Variants in GSR observed in about 807,000 individuals in gnomAD.
GSR encodes glutathione-disulfide reductase.
GSR carries 48 observed loss-of-function variants against 56.5 expected under a neutral mutation model. That is an observed-to-expected ratio of 0.85 (90% confidence interval 0.67 to 1.08). The LOEUF (loss-of-function observed/expected upper bound fraction) is 1.08. Among genes scored for constraint, GSR ranks in the 50% least tolerant of loss-of-function variants. The pLI, the probability that GSR is intolerant of heterozygous loss-of-function variation, is 0.00. For synonymous variants in GSR, 264 were observed against 270.8 expected, an observed-to-expected ratio of 0.97 and a Z score of 0.25; for missense variants, 694 against 703.3, an observed-to-expected ratio of 0.99 and a Z score of 0.15.
In GSR at chr8:30,681,044, T is replaced by C. The variant is rs201692828; in HGVS notation, c.1286-7A>G. 9.3e-6 allele frequency: 15 copies of C among 1,604,866 alleles called. No individual in the cohort carries two copies. The highest frequency in any genetic ancestry group is 1.3e-5 in the Non-Finnish European group (15 of 1,172,404). ...TATTTATGAATGGCTTCATCTACAA[T>C]GCACATTAAAAAAAGCATCTATCAG... On this transcript the variant is annotated splice_region_variant and splice_polypyrimidine_tract_variant and intron_variant, in intron 11 of 12. Transcript: ENST00000221130.
chr8:30,681,063 C>G, intron 11 of GSR, 26 bp from the exon 12 acceptor site: 1 of 1,590,634 alleles, frequency 6.3e-7, no homozygotes. Context: ...AAAAAAGCAT[C>G]TATCAGAAAA....
rs764384622 is a variant in GSR, at chr8:30,709,909, A to T, written c.334-7T>A. Reference sequence around the variant, plus strand: ...CAGCTGTGTTCCACATTACCTGTAAAAAAAAAAAAAAAAAAGGATCCAAAA... The same window carrying T: ...CAGCTGTGTTCCACATTACCTGTAATAAAAAAAAAAAAAAAGGATCCAAAA... On this transcript the variant is annotated splice_region_variant and splice_polypyrimidine_tract_variant and intron_variant, in intron 2 of 12. Transcript: ENST00000221130. The T allele has an allele frequency of 1.1e-5, 12 of 1,103,350 alleles. No homozygotes were observed. In the African/African-American group the frequency reaches 1.4e-4, roughly 13 times the overall value. The allele number at this position is 1,103,350 out of a possible 1,614,324, so 68.3% of individuals were successfully genotyped here.
intron 9 of GSR, 74 bp from the exon 10 acceptor site, chr8:30,684,273 C>T: frequency 2.4e-6 from 2 of 844,968 alleles, no homozygotes; most frequent in Non-Finnish European, 4.2e-6. Context: ...CTCTGGATCT[C>T]CCTTCCTCAT....
chr8:30,692,000 G>C (rs994742221), intron 8 of GSR, among the ~76,000 whole-genome samples: 1 of 151,572 alleles, frequency 6.6e-6, no homozygotes, highest in African/African-American at 2.4e-5. Context: ...ACTTGGTGGG[G>C]GCAGAGGTGG....
Position 30,703,201 on chromosome 8 carries a change from T to C in GSR, c.532A>G (p.Ser178Gly). 1 of 1,614,042 alleles carries C rather than the reference T, an allele frequency of 6.2e-7. No homozygotes were observed. Among genetic ancestry groups the C allele is most frequent in the Admixed American group, 1.7e-5 (1 of 60,010 alleles). The change falls in exon 5 of 13, where the codon AGT becomes GGT. Residue 178 changes from serine to glycine, a missense_variant. Physicochemically the swap from Ser to Gly is moderately conservative, Grantham distance 56 (BLOSUM62 0). Transcript: ENST00000221130. ...ACCTCTATTGTGGGCTTGGGATCAC[T>C]CGTGAAGGCTGCATGGCCACGGATG... ...EIIRGHAAFT[S>G]DPKPTIEVSG...
chr8:30,697,473 T>G (rs571660396), intron 6 of GSR, among the ~76,000 whole-genome samples: 27 of 149,632 alleles, frequency 1.8e-4, no homozygotes, highest in Admixed American at 6.7e-4. Flanking sequence ...AAAGTAAAAA[T>G]AAAAATTATC....
intron 1 of GSR, among the ~76,000 whole-genome samples, chr8:30,717,231 C>G (rs1225005448): frequency 7.7e-6 from 1 of 129,254 alleles, no homozygotes; most frequent in Admixed American, 8.9e-5. Context: ...GAGCGAAACT[C>G]TATCTCAAAA....
At chr8:30,691,651 A>G (rs1803381802) in intron 8 of GSR, among the ~76,000 whole-genome samples, 1 of 152,054 alleles carries the variant, frequency 6.6e-6, no homozygotes, top group Non-Finnish European at 1.5e-5. Context: ...ACTGCACTCC[A>G]GCCTGAGCAA....
At chr8:30,686,608 G>A (rs1313230461) in intron 9 of GSR, among the ~76,000 whole-genome samples, 2 of 152,064 alleles carry the variant, frequency 1.3e-5, no homozygotes, top group African/African-American at 4.8e-5. Flanking sequence ...GATGGCTTGA[G>A]CCCAGGAGTT....
chr8:30,720,031 A>G (rs1052203759), intron 1 of GSR, among the ~76,000 whole-genome samples: 3 of 151,998 alleles, frequency 2.0e-5, no homozygotes, highest in African/African-American at 7.2e-5. Context: ...GAAACATAGT[A>G]AGGCCTCGTC....
At chr8:30,718,124 A>AAATT (rs1270894816) in intron 1 of GSR, among the ~76,000 whole-genome samples, 1 of 151,384 alleles carries the variant, frequency 6.6e-6, no homozygotes, top group East Asian at 1.9e-4. Flanking sequence ...ATAAATAAAT[A>AAATT]AATAAATAAA....
chr8:30,681,737 T>G (rs1464153170), intron 11 of GSR, among the ~76,000 whole-genome samples, 193 bp downstream of exon 11: 1 of 149,682 alleles, frequency 6.7e-6, no homozygotes, highest in Non-Finnish European at 1.5e-5. Context: ...GATAGGGTGG[T>G]GTGAAGGAAA....
At chr8:30,702,034 T>C (rs955728491) in intron 5 of GSR, among the ~76,000 whole-genome samples, 2 of 151,366 alleles carry the variant, frequency 1.3e-5, no homozygotes, top group African/African-American at 4.9e-5. Context: ...AGACCCTGTC[T>C]CAAAAAAATA....
intron 9 of GSR, among the ~76,000 whole-genome samples, chr8:30,686,190 T>C (rs1374499124): frequency 2.0e-5 from 3 of 151,848 alleles, no homozygotes; most frequent in South Asian, 4.2e-4. Context: ...CCCTACACCA[T>C]AGAGTTTACA....
At chr8:30,714,030 G>A (rs986379074) in intron 1 of GSR, among the ~76,000 whole-genome samples, 2 of 152,086 alleles carry the variant, frequency 1.3e-5, no homozygotes, top group Non-Finnish European at 2.9e-5. Context: ...AACATACACT[G>A]TTATGCATCA....
chr8:30,727,318 T>C (rs961112308), intron 1 of GSR, among the ~76,000 whole-genome samples: 1 of 152,172 alleles, frequency 6.6e-6, no homozygotes, highest in Non-Finnish European at 1.5e-5. Context: ...AAGCAGACGC[T>C]GGCTCGGCTT....
chr8:30,680,850 G>T, intron 12 of GSR, 54 bp downstream of exon 12: 3 of 1,551,318 alleles, frequency 1.9e-6, no homozygotes, highest in Non-Finnish European at 1.8e-6. Context: ...GCAAAATACT[G>T]CCATCCCTGT....
chr8:30,726,511 C>A (rs1411458986), intron 1 of GSR, among the ~76,000 whole-genome samples: 3 of 152,164 alleles, frequency 2.0e-5, no homozygotes, highest in African/African-American at 4.8e-5. Flanking sequence ...GTAATCCCAG[C>A]ACTTTGGGAG....
At chr8:30,704,961 G>A (rs573939671) in intron 4 of GSR, 1 of 152,276 alleles carries the variant, frequency 6.6e-6, no homozygotes, top group East Asian at 1.9e-4. Flanking sequence ...CAGGATATTA[G>A]ATAGAAAGTT....
Sources: gnomAD v4.1 joint callset for allele counts (sites outside exome capture counted in the v4.1 genomes callset) on GRCh38, gnomAD v4.1.1 for gene constraint, MANE v1.5 for transcripts, NCBI Gene and HGNC (gene_info 2026-07-23, HGNC 2026-07-21) for gene names.